SINHCAF: variants seen among roughly 807,000 people sequenced by gnomAD.
The protein encoded by SINHCAF is SIN3-HDAC complex-associated factor.
Under a neutral mutation model 25.8 loss-of-function variants are expected in SINHCAF, and 3 were observed. The ratio of observed to expected loss-of-function variants is 0.12; its 90% CI spans 0.05 to 0.30. SINHCAF has a LOEUF of 0.30. Ranked by LOEUF, SINHCAF falls within the 10% of genes least tolerant of loss-of-function variation. The pLI is 1.00. For missense variants in SINHCAF, 121 were observed against 262.3 expected (o/e 0.46, Z 3.72); for synonymous variants, 70 against 85.5 (o/e 0.82, Z 1.00).
intron 4 of SINHCAF, among the ~76,000 whole-genome samples, chr12:31,290,739 G>A (rs1234208434): frequency 1.3e-5 from 2 of 152,138 alleles, no homozygotes; most frequent in East Asian, 3.9e-4. Flanking sequence ...TGTTTTCGGA[G>A]ACGGAGTTTT....
chr12:31,292,572 G>A (rs2137081714), intron 4 of SINHCAF, among the ~76,000 whole-genome samples: 1 of 152,038 alleles, frequency 6.6e-6, no homozygotes, highest in South Asian at 2.1e-4. Flanking sequence ...GGAGATGGGG[G>A]GTTGAGAGCT....
intron 1 of SINHCAF, among the ~76,000 whole-genome samples, chr12:31,305,696 A>ATTTT (rs751436938): frequency 2.4e-4 from 31 of 130,766 alleles, no homozygotes; most frequent in African/African-American, 6.5e-4. Context: ...ATATAGGCCA[A>ATTTT]TTTTTTTTTT....
In SINHCAF at chr12:31,324,007, C is replaced by CAAGT. The variant is rs3214606; in HGVS notation, c.-21+2013_-21+2016dup. The CAAGT allele has an allele frequency of 1.1e-4, 52 of 455,756 alleles. No individual in the cohort carries two copies. The highest frequency in any genetic ancestry group is 1.0e-3 in the Middle Eastern group (3 of 2,912). 28.2% of individuals were successfully genotyped at this position (455,756 alleles called of 1,614,324 possible). On this transcript the variant is annotated intron_variant, in intron 1 of 5. Transcript: ENST00000337682. The surrounding 1 kb of genome is among the most constrained non-coding windows in gnomAD (Gnocchi z 5.5). ...ACTGCCGAGAGAGACGCCGAGCCAGCAAGTAAGAATGCTCCCTGGTGGATT... is the reference window on the plus strand; with the variant it reads ...ACTGCCGAGAGAGACGCCGAGCCAGCAAGTAAGTAAGAATGCTCCCTGGTGGATT...
intron 2 of SINHCAF, among the ~76,000 whole-genome samples, 199 bp downstream of exon 2, chr12:31,297,878 G>T (rs1252077969): frequency 6.6e-6 from 1 of 152,014 alleles, no homozygotes; most frequent in Non-Finnish European, 1.5e-5. Flanking sequence ...GATTAATGTG[G>T]TAGCTCCTCA....
At chr12:31,323,228 T>G (rs139921736) in intron 1 of SINHCAF, among the ~76,000 whole-genome samples, 3 of 152,300 alleles carry the variant, frequency 2.0e-5, no homozygotes, top group African/African-American at 7.2e-5. Flanking sequence ...ATAAATACTT[T>G]AAATGCCATG....
intron 1 of SINHCAF, among the ~76,000 whole-genome samples, chr12:31,320,937 T>C (rs79353541): frequency 0.011 from 1,733 of 152,280 alleles, 17 homozygotes; most frequent in East Asian, 0.037. Flanking sequence ...CAAACCAAAC[T>C]TATAATAGGT....
At chr12:31,295,700 T>C (rs1364288680) in intron 2 of SINHCAF, among the ~76,000 whole-genome samples, 1 of 151,688 alleles carries the variant, frequency 6.6e-6, no homozygotes, top group Non-Finnish European at 1.5e-5. Flanking sequence ...CAAAATCCCG[T>C]GTCTCTACTA....
chr12:31,323,999 C>G (rs1423060624), intron 1 of SINHCAF: 1 of 455,674 alleles, frequency 2.2e-6, no homozygotes, highest in Admixed American at 2.3e-5. Context: ...AGAGAGACGC[C>G]GAGCCAGCAA....
At chr12:31,300,370 G>T (rs1244112828) in intron 1 of SINHCAF, among the ~76,000 whole-genome samples, 1 of 152,108 alleles carries the variant, frequency 6.6e-6, no homozygotes, top group Non-Finnish European at 1.5e-5. Flanking sequence ...GTGGGATGGG[G>T]GCAAGGCAGA....
intron 1 of SINHCAF, among the ~76,000 whole-genome samples, chr12:31,317,613 C>CT (rs34113007): frequency 7.8e-4 from 112 of 144,422 alleles, no homozygotes; most frequent in African/African-American, 1.8e-3. Flanking sequence ...CTACCTCCTG[C>CT]TTTTTTTTTT....
chr12:31,281,583 TAAG>T lies in SINHCAF; in HGVS notation c.*1126_*1128del, dbSNP rs1184894850. The T allele has an allele frequency of 6.6e-6, 1 of 152,170 alleles. No homozygotes were observed. Among genetic ancestry groups the T allele is most frequent in the East Asian group, 1.9e-4 (1 of 5,200 alleles). The allele number at this position is 152,170 out of a possible 1,614,324, so 9.4% of individuals were successfully genotyped here. On this transcript the variant is annotated 3_prime_UTR_variant, in exon 6 of 6. Coordinates refer to ENST00000337682, the MANE Select transcript of SINHCAF (RefSeq NM_001135812.2). ...ATATTTACACACTCAGCAAGCCCTC[TAAG>T]AAATGTGCCCCAAGAAGCATTAACC...
rs939729656 is a variant in SINHCAF at position 31,324,042 on chromosome 12, A to G, written c.-21+1982T>C. 7 of 454,860 alleles carry G rather than the reference A, an allele frequency of 1.5e-5. No homozygotes were observed. Among genetic ancestry groups the G allele is most frequent in the Non-Finnish European group, 3.1e-5 (7 of 226,802 alleles). The allele number at this position is 454,860 out of a possible 1,614,324, so 28.2% of individuals were successfully genotyped here. A position where few individuals can be genotyped will look rare whatever the true frequency, so the allele number is the denominator to read the frequency against. On this transcript the variant is annotated intron_variant, in intron 1 of 5. Coordinates refer to ENST00000337682, the MANE Select transcript of SINHCAF (RefSeq NM_001135812.2). This position sits in a 1 kb window ranked among gnomAD's most constrained non-coding sequence, Gnocchi z 5.5. ...TGCTCCCTGGTGGATTTGTTGGTAAATAAGACATCTCGCGTCGGGAGGAAA... is the reference window on the plus strand; with the variant it reads ...TGCTCCCTGGTGGATTTGTTGGTAAGTAAGACATCTCGCGTCGGGAGGAAA...
intron 1 of SINHCAF, among the ~76,000 whole-genome samples, chr12:31,314,724 G>A (rs1939432077): frequency 6.6e-6 from 1 of 152,178 alleles, no homozygotes; most frequent in African/African-American, 2.4e-5. Flanking sequence ...AGATACCACT[G>A]GAAGTAGTTT....
At chr12:31,304,596 C>T (rs1938950000) in intron 1 of SINHCAF, 1 of 152,144 alleles carries the variant, frequency 6.6e-6, no homozygotes, top group African/African-American at 2.4e-5. Context: ...TATGGCCTGG[C>T]TTTAGAAGCT....
At chr12:31,300,036 A>C (rs960943430) in intron 1 of SINHCAF, among the ~76,000 whole-genome samples, 6 of 152,248 alleles carry the variant, frequency 3.9e-5, no homozygotes, top group Non-Finnish European at 8.8e-5. Context: ...TGGTTGACCG[A>C]AACGTCCTTG....
intron 4 of SINHCAF, among the ~76,000 whole-genome samples, chr12:31,290,791 C>T (rs1180233524): frequency 6.6e-6 from 1 of 152,218 alleles, no homozygotes; most frequent in African/African-American, 2.4e-5. Flanking sequence ...ACAATCTCGG[C>T]TCACCACAAC....
In SINHCAF at chr12:31,282,687, T is replaced by G. The variant is rs758661219; in HGVS notation, c.*25A>C. ...CAAAATTCAGATATTTTTTTTTTTGTTCCCCTTCTACATAAAAACCTCAGT... is the reference window on the plus strand; with the variant it reads ...CAAAATTCAGATATTTTTTTTTTTGGTCCCCTTCTACATAAAAACCTCAGT... On this transcript the variant is annotated 3_prime_UTR_variant, in exon 6 of 6. Coordinates refer to ENST00000337682, the MANE Select transcript of SINHCAF (RefSeq NM_001135812.2). 3.9e-6 allele frequency: 6 copies of G among 1,520,014 alleles called. No individual in the cohort carries two copies. The East Asian group carries it at 1.2e-4, about 30-fold the overall frequency. The allele number at this position is 1,520,014 out of a possible 1,614,324, so 94.2% of individuals were successfully genotyped here.
At chr12:31,299,320 A>AT (rs1555113697) in intron 1 of SINHCAF, among the ~76,000 whole-genome samples, 104 of 133,750 alleles carry the variant, frequency 7.8e-4, no homozygotes, top group Middle Eastern at 3.6e-3. Context: ...AAAGAAAAAA[A>AT]TTTTTTTTTT....
intron 1 of SINHCAF, among the ~76,000 whole-genome samples, chr12:31,315,133 C>T (rs1939446559): frequency 1.3e-5 from 2 of 152,200 alleles, no homozygotes; most frequent in Admixed American, 1.3e-4. Flanking sequence ...GCATGAGGCA[C>T]AGTCTTTATA....
Sources: allele counts gnomAD v4.1 joint callset (sites outside exome capture counted in the v4.1 genomes callset), GRCh38; gene constraint gnomAD v4.1.1; non-coding constraint Gnocchi (gnomAD v3.1); transcripts MANE v1.5; gene names NCBI Gene and HGNC (gene_info 2026-07-23, HGNC 2026-07-21).